Variants in CDC14B observed in about 807,000 individuals in gnomAD.
The protein encoded by CDC14B is dual specificity protein phosphatase CDC14B.
A neutral mutation model predicts 64.2 loss-of-function variants in CDC14B; 22 were observed. The ratio of observed to expected loss-of-function variants is 0.34; its 90% CI spans 0.24 to 0.49. The LOEUF is 0.49. Ranked by LOEUF, CDC14B falls within the 20% of genes least tolerant of loss-of-function variation. The pLI is 0.99. For missense variants in CDC14B, 498 were observed against 629.9 expected (o/e 0.79, Z 2.24); for synonymous variants, 191 against 215.8 (o/e 0.89, Z 1.01).
At chr9:96,615,433 T>C (rs566741121) in intron 1 of CDC14B, among the ~76,000 whole-genome samples, 13 of 152,322 alleles carry the variant, frequency 8.5e-5, no homozygotes, top group African/African-American at 3.1e-4. Flanking sequence ...ACACACGAAG[T>C]ATCCTGGGAT....
rs115039779 is a variant in CDC14B at position 96,566,722 on chromosome 9, G to A, written c.161-1239C>T. ...CCAGCACTGCCCGCCCTGTCCCAGCGCGGGTGCCGGAGCCCCCAGGGGAAG... is the reference window on the plus strand; with the variant it reads ...CCAGCACTGCCCGCCCTGTCCCAGCACGGGTGCCGGAGCCCCCAGGGGAAG... On this transcript the variant is annotated intron_variant, in intron 1 of 13. Coordinates refer to ENST00000375241, the MANE Select transcript of CDC14B (RefSeq NM_033331.4). The A allele has an allele frequency of 1.0e-2, 15,596 of 1,563,240 alleles. 1,310 individuals are homozygous for A. In the African/African-American group the frequency reaches 0.18, roughly 19 times the overall value.
chr9:96,517,137 C>T (rs374097803), intron 12 of CDC14B, among the ~76,000 whole-genome samples: 27 of 149,354 alleles, frequency 1.8e-4, no homozygotes, highest in African/African-American at 5.9e-4. Context: ...GTCAGGAGTT[C>T]GAGACCAGCC....
At chr9:96,543,137 T>C (rs916847916) in intron 5 of CDC14B, among the ~76,000 whole-genome samples, 2 of 151,970 alleles carry the variant, frequency 1.3e-5, no homozygotes, top group Non-Finnish European at 2.9e-5. Context: ...GAGATCGAGA[T>C]CTTCCTGGCT....
intron 5 of CDC14B, among the ~76,000 whole-genome samples, chr9:96,548,183 A>G (rs1239088860): frequency 6.6e-6 from 1 of 152,146 alleles, no homozygotes; most frequent in Non-Finnish European, 1.5e-5. Flanking sequence ...GACCACAGAG[A>G]TGTCAGTAGC....
chr9:96,599,025 A>T (rs942501790), intron 1 of CDC14B, among the ~76,000 whole-genome samples: 1 of 152,218 alleles, frequency 6.6e-6, no homozygotes, highest in African/African-American at 2.4e-5. Context: ...CATCTCTGAA[A>T]TTATGCCGTA....
chr9:96,617,984 G>A (rs1438540280), intron 1 of CDC14B, among the ~76,000 whole-genome samples: 1 of 152,044 alleles, frequency 6.6e-6, no homozygotes, highest in African/African-American at 2.4e-5. Flanking sequence ...TTCACCTCCC[G>A]CACACCCCCC....
chr9:96,583,302 G>A (rs1481404028), intron 1 of CDC14B, among the ~76,000 whole-genome samples: 1 of 151,726 alleles, frequency 6.6e-6, no homozygotes, highest in African/African-American at 2.4e-5. Flanking sequence ...CTGTCTTCAG[G>A]GATAGTGTTT....
intron 12 of CDC14B, among the ~76,000 whole-genome samples, chr9:96,513,161 A>T (rs141910861): frequency 1.3e-5 from 2 of 152,230 alleles, no homozygotes; most frequent in Non-Finnish European, 2.9e-5. Flanking sequence ...TAATAATATT[A>T]AATAGCTAGT....
In CDC14B at chr9:96,539,093, T is replaced by C. The variant is rs148254338; in HGVS notation, c.612A>G (p.Glu204=). 2 of 1,607,784 alleles carry C rather than the reference T, an allele frequency of 1.2e-6. No homozygotes were observed. Among genetic ancestry groups the C allele is most frequent in the African/African-American group, 1.3e-5 (1 of 74,790 alleles). ...FLNFNSFNLD[E]YEHYEKAENG... The stretch of plus-strand genomic sequence containing the variant: ...GAAGACTTACTTCATAGTGTTCATA[T>C]TCATCAAGGTTAAATGAGTTGAAAT... Residue 204 remains glutamate, a synonymous_variant, in exon 7 of 14, where the codon GAA becomes GAG. Transcript: ENST00000375241.
intron 13 of CDC14B, among the ~76,000 whole-genome samples, chr9:96,504,804 A>AAC (rs757690397): frequency 6.6e-6 from 1 of 152,164 alleles, no homozygotes; most frequent in Non-Finnish European, 1.5e-5. Context: ...GCCACCCGAG[A>AAC]ACACTGAAGA....
chr9:96,617,710 G>C lies in CDC14B; in HGVS notation c.160+1509C>G, dbSNP rs185860180. Among the ~76,000 whole-genome samples, 13 of 152,312 alleles carry C rather than the reference G, an allele frequency of 8.5e-5. No homozygotes were observed. The East Asian group carries it at 2.5e-3, about 29-fold the overall frequency. The stretch of plus-strand genomic sequence containing the variant: ...AAACTGGGAAGAGTAGTTGCCTCTA[G>C]AGAAGGACACTTGGAGACTGTGAGA... On this transcript the variant is annotated intron_variant, in intron 1 of 13. Coordinates refer to ENST00000375241, the MANE Select transcript of CDC14B (RefSeq NM_033331.4).
At chr9:96,571,451 G>A (rs1844470951) in intron 1 of CDC14B, among the ~76,000 whole-genome samples, 1 of 152,088 alleles carries the variant, frequency 6.6e-6, no homozygotes, top group Non-Finnish European at 1.5e-5. Context: ...TGGGATTACA[G>A]GGGTGAGCCA....
chr9:96,534,234 G>A (rs1334528012), intron 8 of CDC14B, 77 bp from the exon 9 acceptor site: 5 of 898,854 alleles, frequency 5.6e-6, no homozygotes, highest in South Asian at 3.4e-5. Context: ...GTAACTGAAC[G>A]GAAACAGTAT....
intron 1 of CDC14B, chr9:96,567,158 A>C: frequency 5.0e-6 from 2 of 397,848 alleles, no homozygotes; most frequent in Non-Finnish European, 9.2e-6. Context: ...CAGTGCCCAA[A>C]CGCTCCGCAG....
intron 1 of CDC14B, among the ~76,000 whole-genome samples, chr9:96,599,914 T>C (rs1846320953): frequency 6.6e-6 from 1 of 152,064 alleles, no homozygotes; most frequent in Non-Finnish European, 1.5e-5. Context: ...GTATTTTCAG[T>C]AGAAACGGGG....
downstream of CDC14B, among the ~76,000 whole-genome samples, chr9:96,497,964 C>T (rs2131191853): frequency 6.6e-6 from 1 of 152,280 alleles, no homozygotes; most frequent in Middle Eastern, 3.4e-3. Context: ...AAAGCTTTAA[C>T]GTCTTACAAA....
At chr9:96,532,224 T>C (rs1175333821) in intron 9 of CDC14B, among the ~76,000 whole-genome samples, 1 of 152,256 alleles carries the variant, frequency 6.6e-6, no homozygotes, top group African/African-American at 2.4e-5. Flanking sequence ...AAAGTCTTAA[T>C]TTTTCCATTA....
intron 1 of CDC14B, among the ~76,000 whole-genome samples, chr9:96,573,326 A>T (rs891090111): frequency 3.9e-5 from 6 of 152,180 alleles, no homozygotes; most frequent in African/African-American, 1.4e-4. Flanking sequence ...AACAAAAAAA[A>T]TACAGATGAG....
chr9:96,566,466 G>C (rs1390083590), intron 1 of CDC14B, among the ~76,000 whole-genome samples: 4 of 151,914 alleles, frequency 2.6e-5, no homozygotes, highest in Admixed American at 2.6e-4. Context: ...TCAAATGGGT[G>C]ACAGGGCTTA....
Sources: gnomAD v4.1 joint callset for allele counts (sites outside exome capture counted in the v4.1 genomes callset) on GRCh38, gnomAD v4.1.1 for gene constraint, MANE v1.5 for transcripts, NCBI Gene and HGNC (gene_info 2026-07-23, HGNC 2026-07-21) for gene names.